Variants in COL27A1 observed in about 807,000 individuals in gnomAD.
COL27A1 encodes the protein collagen alpha-1(XXVII) chain.
In COL27A1, 106 loss-of-function variants were observed where a neutral mutation model predicts 251.3. The observed-to-expected ratio is 0.42, with a 90% CI of 0.36 to 0.50. The LOEUF is 0.50. Ranked by LOEUF, COL27A1 falls within the 20% of genes least tolerant of loss-of-function variation. The pLI, the probability that COL27A1 is intolerant of heterozygous loss-of-function variation, is 0.00. For missense variants in COL27A1, 2,325 were observed against 2,522.8 expected (o/e 0.92, Z 1.68); for synonymous variants, 1,000 against 986.3 (o/e 1.01, Z -0.26).
At chr9:114,229,450 C>G (rs1216927351) in intron 14 of COL27A1, among the ~76,000 whole-genome samples, 1 of 152,184 alleles carries the variant, frequency 6.6e-6, no homozygotes, top group African/African-American at 2.4e-5. Context: ...GCCTGGCCTC[C>G]CTCCGAGACG....
At chr9:114,301,999 T>C (rs1022065813) in intron 55 of COL27A1, 83 bp from the exon 56 acceptor site, 1 of 1,335,114 alleles carries the variant, frequency 7.5e-7, no homozygotes, top group Admixed American at 1.7e-5. Flanking sequence ...CATGCTTTGA[T>C]GGTCTCCCTG....
intron 36 of COL27A1, chr9:114,274,177 G>C (rs189358635): frequency 1.3e-5 from 2 of 149,320 alleles, no homozygotes; most frequent in African/African-American, 5.0e-5. Flanking sequence ...AGGTTGCAGT[G>C]AGTTGAGATC....
chr9:114,264,325 CG>C (rs2135590886), intron 28 of COL27A1, 29 bp from the exon 29 acceptor site: 1 of 1,552,024 alleles, frequency 6.4e-7, no homozygotes, highest in Non-Finnish European at 8.7e-7. Context: ...CCCTGCTGTC[CG>C]GTGTGCTAGT....
At chr9:114,213,274 A>G (rs1830483961) in intron 12 of COL27A1, among the ~76,000 whole-genome samples, 2 of 152,120 alleles carry the variant, frequency 1.3e-5, no homozygotes, top group East Asian at 3.9e-4. Flanking sequence ...GCCATGCCTC[A>G]GTTTCCCCCT....
intron 31 of COL27A1, 125 bp from the exon 32 acceptor site, chr9:114,265,297 C>A: frequency 8.7e-7 from 1 of 1,152,222 alleles, no homozygotes; most frequent in Non-Finnish European, 1.3e-6. Context: ...TGGGTCTCAG[C>A]CTTCCCATCT....
chr9:114,211,291 C>T (rs1228154471), intron 12 of COL27A1, among the ~76,000 whole-genome samples: 1 of 152,212 alleles, frequency 6.6e-6, no homozygotes, highest in African/African-American at 2.4e-5. Context: ...CTCTCCAGTG[C>T]AGTTCTGTGT....
chr9:114,281,085 A>G (rs1322905481), intron 37 of COL27A1, among the ~76,000 whole-genome samples: 1 of 152,168 alleles, frequency 6.6e-6, no homozygotes, highest in Non-Finnish European at 1.5e-5. Flanking sequence ...CCCAAATGGG[A>G]CATCACCTCC....
intron 37 of COL27A1, among the ~76,000 whole-genome samples, chr9:114,280,481 G>T (rs1340549800): frequency 1.3e-5 from 2 of 152,190 alleles, no homozygotes; most frequent in Non-Finnish European, 2.9e-5. Context: ...GGGATTACAG[G>T]CATGAGCCAC....
chr9:114,258,518 CA>C (rs745917205), intron 27 of COL27A1, 22 bp from the exon 28 acceptor site: 14 of 1,610,152 alleles, frequency 8.7e-6, no homozygotes, highest in Non-Finnish European at 1.2e-5. Context: ...GGGGCCTCTC[CA>C]AACTCTTTCT....
At chr9:114,289,160 C>CCA in intron 44 of COL27A1, 82 bp from the exon 45 acceptor site, 1 of 1,358,012 alleles carries the variant, frequency 7.4e-7, no homozygotes, top group Non-Finnish European at 1.0e-6. Context: ...CTCCCCACCC[C>CCA]TCCCCCTCCA....
intron 23 of COL27A1, among the ~76,000 whole-genome samples, chr9:114,244,522 T>G (rs911985594): frequency 6.6e-6 from 1 of 152,136 alleles, no homozygotes; most frequent in South Asian, 2.1e-4. Context: ...GGCAAAAGAT[T>G]GTCGGGTCAA....
Position 114,290,970 on chromosome 9 carries a change from C to T in COL27A1, c.4476+53C>T. On this transcript the variant is annotated intron_variant, in intron 48 of 60. Transcript: ENST00000356083. The surrounding 1 kb of genome is among the most constrained non-coding windows in gnomAD (Gnocchi z 4.6). ...ACCCTCTGCCCTTTCTGCCTTGATG[C>T]AGACTCTAGTGGTTCCGACCCTTTG... 3 of 1,371,982 alleles carry T rather than the reference C, an allele frequency of 2.2e-6. No individual in the cohort carries two copies. Among genetic ancestry groups the T allele is most frequent in the Non-Finnish European group, 2.0e-6 (2 of 993,332 alleles). The allele number at this position is 1,371,982 out of a possible 1,614,324, so 85.0% of individuals were successfully genotyped here.
chr9:114,217,189 G>T (rs1830766985), intron 12 of COL27A1, among the ~76,000 whole-genome samples: 1 of 152,116 alleles, frequency 6.6e-6, no homozygotes, highest in South Asian at 2.1e-4. Context: ...GTCTGCAGAG[G>T]TTACTCCCCT....
chr9:114,240,573 CTT>C, intron 21 of COL27A1, 86 bp downstream of exon 21: 1 of 1,341,486 alleles, frequency 7.5e-7, no homozygotes, highest in Non-Finnish European at 1.0e-6. Flanking sequence ...AAGGCCTTAG[CTT>C]GGGCTGGAGC....
chr9:114,219,640 GGT>G, intron 12 of COL27A1, 149 bp from the exon 13 acceptor site: 1 of 553,114 alleles, frequency 1.8e-6, no homozygotes, highest in Non-Finnish European at 3.3e-6. Flanking sequence ...CGATGGTAGG[GGT>G]GACCTCAGGA....
Position 114,306,302 on chromosome 9 carries a change from T to C in COL27A1, c.4939-218T>C, listed in dbSNP as rs947603685. ...AGAACATGGTCTGACCCTGAGCTCTTTTCAAGCCTCTGAGCCATTGTGATA... is the reference window on the plus strand; with the variant it reads ...AGAACATGGTCTGACCCTGAGCTCTCTTCAAGCCTCTGAGCCATTGTGATA... On this transcript the variant is annotated intron_variant, in intron 57 of 60. Coordinates refer to ENST00000356083, the MANE Select transcript of COL27A1 (RefSeq NM_032888.4). The C allele has an allele frequency of 9.4e-6, 5 of 533,810 alleles. No individual in the cohort carries two copies. In the African/African-American group the frequency reaches 9.5e-5, roughly 10 times the overall value. 33.1% of individuals were successfully genotyped at this position (533,810 alleles called of 1,614,324 possible).
intron 8 of COL27A1, 83 bp downstream of exon 8, chr9:114,205,229 T>C: frequency 7.5e-7 from 1 of 1,325,068 alleles, no homozygotes; most frequent in Non-Finnish European, 1.1e-6. Flanking sequence ...CCCTAGATCC[T>C]GCTCTGTGAG....
chr9:114,226,358 G>GTT (rs1831467879), intron 14 of COL27A1, among the ~76,000 whole-genome samples: 1 of 152,174 alleles, frequency 6.6e-6, no homozygotes, highest in Non-Finnish European at 1.5e-5. Context: ...CAAGTTTTTA[G>GTT]TTGTCACAAC....
chr9:114,266,807 T>C (rs1834776330), intron 33 of COL27A1, among the ~76,000 whole-genome samples, 189 bp downstream of exon 33: 1 of 152,046 alleles, frequency 6.6e-6, no homozygotes, highest in Non-Finnish European at 1.5e-5. Context: ...GTGGCATAGG[T>C]TGAGGAGCTG....
Sources: allele counts gnomAD v4.1 joint callset (sites outside exome capture counted in the v4.1 genomes callset), GRCh38; gene constraint gnomAD v4.1.1; non-coding constraint Gnocchi (gnomAD v3.1); transcripts MANE v1.5; gene names NCBI Gene and HGNC (gene_info 2026-07-23, HGNC 2026-07-21).